AK5: variants seen among roughly 807,000 people sequenced by gnomAD.
AK5 encodes the protein adenylate kinase 5, also known as adenylate kinase isoenzyme 5.
Under a neutral mutation model 69.5 loss-of-function variants are expected in AK5, and 27 were observed. That is an observed-to-expected ratio of 0.39 (90% CI 0.29 to 0.54). AK5 has a LOEUF of 0.54. AK5 is among the 20% of genes least tolerant of loss of function. AK5 has a pLI of 0.71. For missense variants in AK5, 531 were observed against 700.4 expected, an observed-to-expected ratio of 0.76 and a Z score of 2.73; for synonymous variants, 260 against 244.4, an observed-to-expected ratio of 1.06 and a Z score of -0.60.
intron 10 of AK5, among the ~76,000 whole-genome samples, chr1:77,504,456 C>T (rs776529302): frequency 2.6e-5 from 4 of 151,264 alleles, no homozygotes; most frequent in Admixed American, 6.6e-5. Flanking sequence ...TTTTAATATA[C>T]ATTTTTCATC....
At chr1:77,477,804 C>T (rs1655037523) in intron 8 of AK5, among the ~76,000 whole-genome samples, 1 of 152,068 alleles carries the variant, frequency 6.6e-6, no homozygotes, top group Non-Finnish European at 1.5e-5. Flanking sequence ...TTCTCATAAC[C>T]CCATTTGAAG....
chr1:77,292,414 A>C (rs1040020694), intron 2 of AK5, among the ~76,000 whole-genome samples: 1 of 152,140 alleles, frequency 6.6e-6, no homozygotes, highest in Non-Finnish European at 1.5e-5. Flanking sequence ...GAGAATGGAA[A>C]GTTCTAACAG....
chr1:77,460,573 G>A (rs1405350913), intron 8 of AK5, among the ~76,000 whole-genome samples: 5 of 152,138 alleles, frequency 3.3e-5, no homozygotes, highest in African/African-American at 1.2e-4. Context: ...TCAAAATGTT[G>A]TATGCATACA....
intron 6 of AK5, among the ~76,000 whole-genome samples, chr1:77,359,758 C>T (rs1013627324): frequency 5.9e-5 from 9 of 152,162 alleles, no homozygotes; most frequent in African/African-American, 1.9e-4. Context: ...CTATGTAATT[C>T]GCTAGCTTTA....
intron 6 of AK5, among the ~76,000 whole-genome samples, chr1:77,394,761 T>A (rs552636777): frequency 4.1e-4 from 62 of 151,202 alleles, no homozygotes; most frequent in Non-Finnish European, 6.7e-4. Flanking sequence ...ACATAATCTA[T>A]ATTATATGAT....
intron 6 of AK5, among the ~76,000 whole-genome samples, chr1:77,351,006 C>G (rs375151319): frequency 6.6e-6 from 1 of 152,180 alleles, no homozygotes; most frequent in Non-Finnish European, 1.5e-5. Context: ...GCAGACAGCC[C>G]TGCACATCTT....
chr1:77,290,713 C>G (rs144453306), intron 2 of AK5, among the ~76,000 whole-genome samples: 47 of 152,298 alleles, frequency 3.1e-4, no homozygotes, highest in African/African-American at 1.1e-3. Context: ...AAAACCAGCA[C>G]TTACTTCTTT....
intron 6 of AK5, among the ~76,000 whole-genome samples, chr1:77,380,146 C>T (rs763319153): frequency 6.6e-6 from 1 of 152,168 alleles, no homozygotes; most frequent in African/African-American, 2.4e-5. Context: ...GCATCCTCCT[C>T]GGCAAGGTGG....
intron 6 of AK5, among the ~76,000 whole-genome samples, chr1:77,408,164 G>A (rs1433182589): frequency 6.6e-6 from 1 of 152,124 alleles, no homozygotes; most frequent in South Asian, 2.1e-4. Flanking sequence ...GAATTCCTGG[G>A]TCAAATGGTC....
In AK5 at chr1:77,340,428, A is replaced by G. The variant is rs772222794; in HGVS notation, c.751A>G (p.Lys251Glu). The G allele has an allele frequency of 3.7e-6, 6 of 1,613,988 alleles. No individual in the cohort carries two copies. The East Asian group carries it at 8.9e-5, about 24-fold the overall frequency. The change falls in exon 6 of 14, where the codon AAA becomes GAA. Residue 251 changes from lysine to glutamate, a missense_variant. Transcript: ENST00000354567. Reference sequence around the variant, plus strand: ...CCTGGCTTGTGCTAATCAGAGACTCAAAGAAAGATTACTGAAGCGTGCAGA... The same window carrying G: ...CCTGGCTTGTGCTAATCAGAGACTCGAAGAAAGATTACTGAAGCGTGCAGA... The part of the protein sequence containing the change: ...VFLACANQRL[K>E]ERLLKRAEQQ...
chr1:77,293,319 T>C (rs1003029622), intron 2 of AK5, among the ~76,000 whole-genome samples: 2 of 152,180 alleles, frequency 1.3e-5, no homozygotes, highest in Non-Finnish European at 2.9e-5. Context: ...ATTAGCTTTA[T>C]GGACAGGCTG....
chr1:77,350,936 T>C (rs1662159656), intron 6 of AK5, among the ~76,000 whole-genome samples: 1 of 152,194 alleles, frequency 6.6e-6, no homozygotes, highest in Non-Finnish European at 1.5e-5. Flanking sequence ...TTCAAAATAG[T>C]TCATTAAGTA....
chr1:77,340,434 A>G lies in AK5; in HGVS notation c.757A>G (p.Arg253Gly). 1 of 1,614,140 alleles carries G rather than the reference A, an allele frequency of 6.2e-7. No individual in the cohort carries two copies. The highest frequency in any genetic ancestry group is 8.5e-7 in the Non-Finnish European group (1 of 1,179,976). ...TTGTGCTAATCAGAGACTCAAAGAA[A>G]GATTACTGAAGCGTGCAGAACAGCA... ...LACANQRLKE[R>G]LLKRAEQQGR... is the part of the protein sequence containing the mutation. The change falls in exon 6 of 14, where the codon AGA becomes GGA. Residue 253 changes from arginine to glycine, a missense_variant. By Grantham distance (125) the Arg-to-Gly change is moderately radical. Coordinates refer to ENST00000354567, the MANE Select transcript of AK5 (RefSeq NM_174858.3).
intron 5 of AK5, among the ~76,000 whole-genome samples, chr1:77,308,689 A>C (rs1394830866): frequency 6.6e-6 from 1 of 152,176 alleles, no homozygotes; most frequent in Non-Finnish European, 1.5e-5. Flanking sequence ...GTGGATTTCC[A>C]TAGGGAGGTT....
rs1383832375 is a variant in AK5 at position 77,358,814 on chromosome 1, C to G, written c.891+18246C>G. On this transcript the variant is annotated intron_variant, in intron 6 of 13. Transcript: ENST00000354567. Reference sequence around the variant, plus strand: ...CAGTTGAATAGTAAGTTTCCTATCCCCTGAAAAAAAAAAGAGGAAAGAAAA... The same window carrying G: ...CAGTTGAATAGTAAGTTTCCTATCCGCTGAAAAAAAAAAGAGGAAAGAAAA... 9.9e-4 allele frequency among the ~76,000 whole-genome samples: 9 copies of G among 9,108 alleles called. No individual in the cohort carries two copies. The Admixed American group carries it at 0.016, about 16-fold the overall frequency. 6.0% of individuals were successfully genotyped at this position (9,108 alleles called of 152,430 possible).
chr1:77,392,409 A>G (rs1304650305), intron 6 of AK5, among the ~76,000 whole-genome samples: 1 of 152,246 alleles, frequency 6.6e-6, no homozygotes, highest in Non-Finnish European at 1.5e-5. Context: ...GTTTAAGCCA[A>G]AATCCCTCTG....
At chr1:77,434,394 G>C (rs1007732335) in intron 8 of AK5, among the ~76,000 whole-genome samples, 1 of 152,092 alleles carries the variant, frequency 6.6e-6, no homozygotes, top group Admixed American at 6.5e-5. Context: ...ATCTCTATAA[G>C]TTGAGAGATA....
chr1:77,519,121 T>G (rs1657836539), intron 11 of AK5, among the ~76,000 whole-genome samples: 1 of 152,218 alleles, frequency 6.6e-6, no homozygotes, highest in Non-Finnish European at 1.5e-5. Flanking sequence ...GGTATGATTA[T>G]CTTGAAATTT....
rs1385797529 is a variant in AK5, at chr1:77,429,209, A to G, written c.1059+11494A>G. 1.5e-4 allele frequency among the ~76,000 whole-genome samples: 22 copies of G among 151,466 alleles called. No homozygotes were observed. The Middle Eastern group carries it at 0.01, about 71-fold the overall frequency. On this transcript the variant is annotated intron_variant, in intron 8 of 13. Coordinates refer to ENST00000354567, the MANE Select transcript of AK5 (RefSeq NM_174858.3). ...TCCACAATGGTTGAACTAGTTTACAATCCCACCAACAGTGTAAAAGTGTTC... is the reference window on the plus strand; with the variant it reads ...TCCACAATGGTTGAACTAGTTTACAGTCCCACCAACAGTGTAAAAGTGTTC...
Sources: gnomAD v4.1 joint callset for allele counts (sites outside exome capture counted in the v4.1 genomes callset) on GRCh38, gnomAD v4.1.1 for gene constraint, MANE v1.5 for transcripts, NCBI Gene and HGNC (gene_info 2026-07-23, HGNC 2026-07-21) for gene names.